WDFY2: variants seen among roughly 807,000 people sequenced by gnomAD.
WDFY2 encodes the protein WD repeat and FYVE domain-containing protein 2.
Under a neutral mutation model 56.4 loss-of-function variants are expected in WDFY2, and 36 were observed. That is an observed-to-expected ratio of 0.64 (90% confidence interval 0.49 to 0.84). WDFY2 has a LOEUF of 0.84. Among genes scored for constraint, WDFY2 ranks in the 40% least tolerant of loss-of-function variants. WDFY2 has a pLI of 0.00. For synonymous variants in WDFY2, 176 were observed against 183.7 expected (o/e 0.96, Z 0.34); for missense variants, 444 against 512.2 (o/e 0.87, Z 1.29).
At chr13:51,683,976 G>A (rs1283332765) in intron 3 of WDFY2, among the ~76,000 whole-genome samples, 1 of 152,110 alleles carries the variant, frequency 6.6e-6, no homozygotes, top group East Asian at 1.9e-4. Flanking sequence ...CCTACACTAA[G>A]CCTTGAATGC....
In WDFY2 at chr13:51,695,646, C is replaced by T. The variant is rs572143665; in HGVS notation, c.280-7950C>T. Among the ~76,000 whole-genome samples, 360 of 152,040 alleles carry T rather than the reference C, an allele frequency of 2.4e-3. 2 individuals are homozygous for T. The highest frequency in any genetic ancestry group is 9.3e-4 in the Non-Finnish European group (63 of 67,948). On this transcript the variant is annotated intron_variant, in intron 3 of 11. Transcript: ENST00000298125. ...CGGGGGTCAGGGGTCAGGGACCCAC[C>T]TGAGGAGGCAGTCTGCCTGTTCTCA...
chr13:51,723,665 G>A (rs1471698878), intron 5 of WDFY2, among the ~76,000 whole-genome samples: 2 of 152,200 alleles, frequency 1.3e-5, no homozygotes, highest in East Asian at 3.8e-4. Flanking sequence ...CTCACCAAGT[G>A]TGCTTCATAG....
Position 51,751,433 on chromosome 13 carries a change from G to T in WDFY2, c.831+18G>T, listed in dbSNP as rs367800060. 6.2e-7 allele frequency: 1 copy of T among 1,609,694 alleles called. No homozygotes were observed. Among genetic ancestry groups the T allele is most frequent in the Non-Finnish European group, 8.5e-7 (1 of 1,176,048 alleles). On this transcript the variant is annotated intron_variant, in intron 8 of 11. Coordinates refer to ENST00000298125, the MANE Select transcript of WDFY2 (RefSeq NM_052950.4). ...GGCAGGAGGTAGGTGGCACAGCAGG[G>T]TGGGGTGGGCCCTGTGGTTCTGGCC...
chr13:51,586,344 A>G (rs150888679), intron 1 of WDFY2: 293 of 322,466 alleles, frequency 9.1e-4, no homozygotes, highest in East Asian at 1.4e-3. Context: ...TGCTGTGGAA[A>G]ATTCATAAGC....
At chr13:51,737,397 T>G (rs1952861710) in intron 6 of WDFY2, among the ~76,000 whole-genome samples, 1 of 151,286 alleles carries the variant, frequency 6.6e-6, no homozygotes, top group African/African-American at 2.4e-5. Context: ...TTCTTACTCC[T>G]TCATTCAATC....
intron 7 of WDFY2, among the ~76,000 whole-genome samples, chr13:51,744,324 C>T (rs540352079): frequency 5.9e-5 from 9 of 152,254 alleles, no homozygotes; most frequent in Admixed American, 2.6e-4. Flanking sequence ...TTAAGTTGAC[C>T]GTTGGGCAGA....
At chr13:51,595,711 A>G (rs530424714) in intron 1 of WDFY2, among the ~76,000 whole-genome samples, 1 of 152,340 alleles carries the variant, frequency 6.6e-6, no homozygotes. Context: ...AAAAGAAATC[A>G]AAAGATAGCC....
At chr13:51,670,185 A>G (rs1566100158) in intron 2 of WDFY2, among the ~76,000 whole-genome samples, 1 of 151,778 alleles carries the variant, frequency 6.6e-6, no homozygotes, top group African/African-American at 2.4e-5. Flanking sequence ...TGCCCCTTTG[A>G]TATTTGTCTT....
intron 2 of WDFY2, among the ~76,000 whole-genome samples, chr13:51,662,073 C>T (rs767117528): frequency 4.6e-5 from 7 of 151,992 alleles, no homozygotes; most frequent in South Asian, 2.1e-4. Context: ...CGGGTTCAAG[C>T]GATTCTCCTC....
chr13:51,710,998 A>G (rs1467499425), intron 4 of WDFY2, among the ~76,000 whole-genome samples: 2 of 152,224 alleles, frequency 1.3e-5, no homozygotes, highest in Non-Finnish European at 2.9e-5. Flanking sequence ...CTAAGCCAAA[A>G]GAACAAAGCT....
chr13:51,714,786 G>T (rs542575294), intron 4 of WDFY2, among the ~76,000 whole-genome samples: 1 of 152,180 alleles, frequency 6.6e-6, no homozygotes, highest in African/African-American at 2.4e-5. Context: ...TCTGAGAAAT[G>T]CATTGTTAGG....
intron 4 of WDFY2, among the ~76,000 whole-genome samples, chr13:51,713,612 C>G (rs983263544): frequency 1.4e-4 from 21 of 152,124 alleles, no homozygotes; most frequent in African/African-American, 5.1e-4. Flanking sequence ...GTGGCTCACG[C>G]CTGTAATCCC....
At chr13:51,721,109 C>T (rs1437920587) in intron 5 of WDFY2, among the ~76,000 whole-genome samples, 1 of 152,098 alleles carries the variant, frequency 6.6e-6, no homozygotes, top group Non-Finnish European at 1.5e-5. Context: ...TATATACAAT[C>T]TTTGTCAATT....
chr13:51,752,957 TACTG>T (rs1163383535), intron 8 of WDFY2: 1 of 152,238 alleles, frequency 6.6e-6, no homozygotes, highest in East Asian at 1.9e-4. Context: ...TAACCTGAAG[TACTG>T]ACAGACTTTC....
At chr13:51,731,592 C>A (rs1215175879) in intron 6 of WDFY2, among the ~76,000 whole-genome samples, 1 of 152,214 alleles carries the variant, frequency 6.6e-6, no homozygotes, top group Non-Finnish European at 1.5e-5. Flanking sequence ...CAACACAACT[C>A]ATTCCTGTAA....
chr13:51,752,929 A>G (rs926365212), intron 8 of WDFY2: 3 of 152,244 alleles, frequency 2.0e-5, no homozygotes, highest in African/African-American at 7.2e-5. Flanking sequence ...GGTCTGCGAC[A>G]TATATTGAAG....
chr13:51,715,266 A>G (rs191784299), intron 4 of WDFY2, among the ~76,000 whole-genome samples: 2 of 152,206 alleles, frequency 1.3e-5, no homozygotes, highest in African/African-American at 4.8e-5. Flanking sequence ...CAGCTTTTCA[A>G]CTTTTTTGTA....
intron 7 of WDFY2, among the ~76,000 whole-genome samples, chr13:51,748,938 G>A (rs568646238): frequency 2.0e-5 from 3 of 152,012 alleles, no homozygotes; most frequent in South Asian, 2.1e-4. Flanking sequence ...CTTTAGTATT[G>A]CCCTTTTCAT....
chr13:51,602,833 G>A (rs1271608656), intron 1 of WDFY2, among the ~76,000 whole-genome samples: 2 of 152,214 alleles, frequency 1.3e-5, no homozygotes. Flanking sequence ...CATCTGACCA[G>A]TGTTCATGCT....
Sources: gnomAD v4.1 joint callset for allele counts (sites outside exome capture counted in the v4.1 genomes callset) on GRCh38, gnomAD v4.1.1 for gene constraint, MANE v1.5 for transcripts, NCBI Gene and HGNC (gene_info 2026-07-23, HGNC 2026-07-21) for gene names.